Variants in CPNE4 observed in about 807,000 individuals in gnomAD.
CPNE4 encodes copine-4.
A neutral mutation model predicts 67.9 loss-of-function variants in CPNE4; 25 were observed. The ratio of observed to expected loss-of-function variants is 0.37; its 90% CI spans 0.27 to 0.51. The LOEUF is 0.51. Among genes scored for constraint, CPNE4 ranks in the 20% least tolerant of loss-of-function variants. The pLI is 0.93. For synonymous variants in CPNE4, 242 were observed against 244.9 expected, an observed-to-expected ratio of 0.99 and a Z score of 0.11; for missense variants, 464 against 690.8, an observed-to-expected ratio of 0.67 and a Z score of 3.68.
At chr3:131,986,882 A>C (rs1363988610) in intron 1 of CPNE4, among the ~76,000 whole-genome samples, 2 of 141,698 alleles carry the variant, frequency 1.4e-5, no homozygotes, top group Non-Finnish European at 3.2e-5. Context: ...AAAAAAAAAC[A>C]AAGAACTTAA....
intron 2 of CPNE4, among the ~76,000 whole-genome samples, chr3:131,804,244 A>C (rs2084230499): frequency 6.6e-6 from 1 of 151,306 alleles, no homozygotes; most frequent in Non-Finnish European, 1.5e-5. Flanking sequence ...TCTCGGTGGA[A>C]CTCAGTTTGT....
At chr3:131,916,413 A>G (rs965628548) in intron 1 of CPNE4, among the ~76,000 whole-genome samples, 4 of 151,918 alleles carry the variant, frequency 2.6e-5, no homozygotes, top group Admixed American at 2.6e-4. Context: ...GACAGACAAC[A>G]TATGAAGCCA....
intron 1 of CPNE4, among the ~76,000 whole-genome samples, chr3:131,915,114 G>C (rs1042584175): frequency 1.3e-5 from 2 of 152,152 alleles, no homozygotes; most frequent in Non-Finnish European, 2.9e-5. Context: ...TGGATGTGGT[G>C]GTTAAATAAC....
At chr3:131,797,644 C>T (rs566823100) in intron 2 of CPNE4, among the ~76,000 whole-genome samples, 1 of 152,292 alleles carries the variant, frequency 6.6e-6, no homozygotes, top group African/African-American at 2.4e-5. Context: ...AATAGATACA[C>T]AAGGCTGGGT....
At chr3:131,862,495 C>T (rs1432147735) in intron 2 of CPNE4, among the ~76,000 whole-genome samples, 1 of 152,088 alleles carries the variant, frequency 6.6e-6, no homozygotes, top group Admixed American at 6.6e-5. Context: ...AACTAATCTA[C>T]CTCTTACATG....
intron 11 of CPNE4, among the ~76,000 whole-genome samples, chr3:131,563,782 A>G (rs1936913132): frequency 6.6e-6 from 1 of 152,078 alleles, no homozygotes; most frequent in South Asian, 2.1e-4. Context: ...AATACATACT[A>G]TATAAGGGTT....
chr3:131,652,290 C>T (rs76236647), intron 7 of CPNE4, among the ~76,000 whole-genome samples: 16,502 of 152,160 alleles, frequency 0.11, 1,273 homozygotes, highest in African/African-American at 0.22. Context: ...CACCAAGTGA[C>T]TTTCCTATTG....
chr3:131,738,854 C>CT (rs34053204), intron 2 of CPNE4, among the ~76,000 whole-genome samples: 66,700 of 140,044 alleles, frequency 0.48, 17,011 homozygotes, highest in Non-Finnish European at 0.58. Context: ...TTTTCTTTTT[C>CT]TTTTTTTTTT....
At chr3:131,624,600 T>C (rs2079015972) in intron 7 of CPNE4, among the ~76,000 whole-genome samples, 1 of 152,164 alleles carries the variant, frequency 6.6e-6, no homozygotes, top group African/African-American at 2.4e-5. Flanking sequence ...CTTTTCATTC[T>C]CTTTTATCAC....
chr3:131,837,647 A>G (rs961031965), intron 2 of CPNE4, among the ~76,000 whole-genome samples: 1 of 152,000 alleles, frequency 6.6e-6, no homozygotes, highest in Admixed American at 6.6e-5. Flanking sequence ...CACATGTAAT[A>G]CATGTAATAA....
At chr3:131,673,949 T>C (rs560761728) in intron 6 of CPNE4, among the ~76,000 whole-genome samples, 1 of 152,114 alleles carries the variant, frequency 6.6e-6, no homozygotes, top group Non-Finnish European at 1.5e-5. Context: ...AGCTGTGGGC[T>C]GTTGTATATG....
In CPNE4 at chr3:131,990,397, G is replaced by A. The variant is rs1354986760; in HGVS notation, c.-2+44170C>T. ...GTCTAAACAACTATTGTTATGTAGA[G>A]GTGGAATAAATGTTTTATGTGTGTG... On this transcript the variant is annotated intron_variant, in intron 1 of 15. Transcript: ENST00000429747. Among the ~76,000 whole-genome samples the A allele has an allele frequency of 5.2e-5, 7 of 135,440 alleles. 1 individual carries two copies. The highest frequency in any genetic ancestry group is 7.4e-5 in the African/African-American group (3 of 40,602). The allele number at this position is 135,440 out of a possible 152,430, so 88.9% of individuals were successfully genotyped here.
intron 1 of CPNE4, among the ~76,000 whole-genome samples, chr3:131,955,678 T>G (rs2071943517): frequency 6.6e-6 from 1 of 152,088 alleles, no homozygotes; most frequent in African/African-American, 2.4e-5. Context: ...CTCCTGTCCC[T>G]CCGCAGTGCC....
intron 2 of CPNE4, among the ~76,000 whole-genome samples, chr3:131,756,895 A>G (rs2082764736): frequency 6.6e-6 from 1 of 152,184 alleles, no homozygotes; most frequent in South Asian, 2.1e-4. Flanking sequence ...ATAAGTCTCA[A>G]GAGATCTGAT....
intron 2 of CPNE4, among the ~76,000 whole-genome samples, chr3:131,870,166 C>G (rs934009198): frequency 2.6e-5 from 4 of 152,136 alleles, no homozygotes; most frequent in African/African-American, 9.7e-5. Flanking sequence ...GGAATCACAA[C>G]AGGATACAAT....
At chr3:131,933,476 C>G (rs1477217890) in intron 1 of CPNE4, among the ~76,000 whole-genome samples, 1 of 152,014 alleles carries the variant, frequency 6.6e-6, no homozygotes, top group African/African-American at 2.4e-5. Context: ...GGAAGTTATT[C>G]AAAAAGCCAA....
intron 2 of CPNE4, among the ~76,000 whole-genome samples, chr3:131,903,857 A>AC (rs1432245396): frequency 1.3e-5 from 2 of 152,150 alleles, no homozygotes; most frequent in African/African-American, 4.8e-5. Context: ...TTCCCCAGGT[A>AC]CCACCATTAG....
intron 2 of CPNE4, among the ~76,000 whole-genome samples, chr3:131,758,671 T>C (rs975545810): frequency 6.6e-6 from 1 of 152,090 alleles, no homozygotes; most frequent in African/African-American, 2.4e-5. Flanking sequence ...CAGATTGATG[T>C]GGTTTGGCTA....
intron 2 of CPNE4, among the ~76,000 whole-genome samples, chr3:131,864,928 T>G (rs913294716): frequency 2.0e-5 from 3 of 152,064 alleles, no homozygotes; most frequent in African/African-American, 4.8e-5. Context: ...GGTTGTTGAA[T>G]TTTGTCAAAG....
Sources: allele counts gnomAD v4.1 joint callset (sites outside exome capture counted in the v4.1 genomes callset), GRCh38; gene constraint gnomAD v4.1.1; transcripts MANE v1.5; gene names NCBI Gene and HGNC (gene_info 2026-07-23, HGNC 2026-07-21).